Variants in CNTNAP3B observed in about 807,000 individuals in gnomAD.
CNTNAP3B encodes the protein contactin associated protein family member 3B, also known as contactin-associated protein-like 3B.
Under a neutral mutation model 108.9 loss-of-function variants are expected in CNTNAP3B, and 25 were observed. The observed-to-expected ratio is 0.23, with a 90% confidence interval of 0.17 to 0.32. The LOEUF (loss-of-function observed/expected upper bound fraction) is 0.32. Ranked by LOEUF, CNTNAP3B falls within the 10% of genes least tolerant of loss-of-function variation. The pLI, the probability that CNTNAP3B is intolerant of heterozygous loss-of-function variation, is 1.00. For missense variants in CNTNAP3B, 252 were observed against 1,210.4 expected, an observed-to-expected ratio of 0.21 and a Z score of 11.75; for synonymous variants, 103 against 473.4, an observed-to-expected ratio of 0.22 and a Z score of 10.16.
At position 42,079,669 on chromosome 9, in the gene CNTNAP3B, A is replaced by G. The variant is rs1313525730; in HGVS notation, c.197-2607T>C. ...CCCAAGTAGCCGGGATTACAGGTAC[A>G]TGCCACCACGCCCAGCTAATTTTTG... On this transcript the variant is annotated intron_variant, in intron 2 of 23. Transcript: ENST00000377561. 1.9e-4 allele frequency among the ~76,000 whole-genome samples: 26 copies of G among 136,516 alleles called. 5 individuals carry two copies. In the East Asian group the frequency reaches 2.9e-3, roughly 15 times the overall value. The allele number at this position is 136,516 out of a possible 152,430, so 89.6% of individuals were successfully genotyped here. A position where few individuals can be genotyped will look rare whatever the true frequency, so the allele number is the denominator to read the frequency against.
intron 14 of CNTNAP3B, among the ~76,000 whole-genome samples, chr9:41,932,497 C>CAAATTTTT (rs1554738712): frequency 6.7e-6 from 1 of 149,088 alleles, no homozygotes; most frequent in Non-Finnish European, 1.5e-5. Flanking sequence ...AATGTTGAGT[C>CAAATTTTT]AACTTTTTAA....
chr9:41,919,291 T>C (rs1038013075), intron 18 of CNTNAP3B, among the ~76,000 whole-genome samples: 2 of 148,744 alleles, frequency 1.3e-5, no homozygotes, highest in Non-Finnish European at 2.9e-5. Context: ...AATTTTTGTA[T>C]TTTTAGTAAA....
At chr9:41,925,614 C>A (rs1365860630) in intron 15 of CNTNAP3B, among the ~76,000 whole-genome samples, 1 of 151,636 alleles carries the variant, frequency 6.6e-6, no homozygotes, top group Non-Finnish European at 1.5e-5. Context: ...AACAAACAAA[C>A]CAAGAAATAG....
chr9:42,042,269 T>C (rs1393282336), intron 3 of CNTNAP3B, among the ~76,000 whole-genome samples: 1 of 108,688 alleles, frequency 9.2e-6, no homozygotes, highest in African/African-American at 3.6e-5. Flanking sequence ...ATGGTATATA[T>C]TTAAAATGAT....
intron 14 of CNTNAP3B, among the ~76,000 whole-genome samples, chr9:41,931,109 T>G (rs1287472183): frequency 2.0e-5 from 3 of 152,294 alleles, no homozygotes; most frequent in Non-Finnish European, 4.4e-5. Context: ...TATGCATTTG[T>G]GGCAAAAGAT....
chr9:41,935,428 T>C (rs1824127823), intron 14 of CNTNAP3B, among the ~76,000 whole-genome samples: 1 of 152,298 alleles, frequency 6.6e-6, no homozygotes, highest in African/African-American at 2.4e-5. Context: ...AGGAAAACTT[T>C]ACTAAGCACA....
chr9:42,018,799 C>T (rs1357354122), intron 3 of CNTNAP3B, among the ~76,000 whole-genome samples: 1 of 151,906 alleles, frequency 6.6e-6, no homozygotes, highest in African/African-American at 2.4e-5. Context: ...GGTTCTGTGA[C>T]TATGGGCAAG....
intron 9 of CNTNAP3B, among the ~76,000 whole-genome samples, chr9:41,977,786 ATTTTT>A (rs71288160): frequency 9.3e-4 from 84 of 90,338 alleles, no homozygotes; most frequent in African/African-American, 2.2e-3. Context: ...TGCCCAGCTA[ATTTTT>A]TTTTTTTTTT....
chr9:42,117,498 C>G (rs1488533729), intron 1 of CNTNAP3B, among the ~76,000 whole-genome samples: 3 of 141,278 alleles, frequency 2.1e-5, no homozygotes, highest in African/African-American at 8.3e-5. Flanking sequence ...ACACAACATA[C>G]CAGAATCTCT....
intron 13 of CNTNAP3B, among the ~76,000 whole-genome samples, chr9:41,950,747 CTTTTTTTTTTTTT>C (rs1196034038): frequency 0.011 from 1,048 of 91,882 alleles, 2 homozygotes; most frequent in East Asian, 0.061. Context: ...AGGAGGAATT[CTTTTTTTTTTTTT>C]TTTTTTTTTT....
At chr9:42,107,761 G>T (rs1188795163) in intron 1 of CNTNAP3B, among the ~76,000 whole-genome samples, 1 of 137,310 alleles carries the variant, frequency 7.3e-6, no homozygotes, top group African/African-American at 2.9e-5. Context: ...GGATCACAAG[G>T]TCAGGAGATC....
rs1223561595 is a variant in CNTNAP3B, at chr9:42,079,764, C to T, written c.197-2702G>A. Among the ~76,000 whole-genome samples the T allele has an allele frequency of 6.5e-5, 9 of 138,322 alleles. 2 individuals carry two copies. Among genetic ancestry groups the T allele is most frequent in the African/African-American group, 2.6e-4 (9 of 34,736 alleles). 90.7% of individuals were successfully genotyped at this position (138,322 alleles called of 152,430 possible). A position where few individuals can be genotyped will look rare whatever the true frequency, so the allele number is the denominator to read the frequency against. ...CTTGGTCTCCTGACCTAGTGATTTG[C>T]CCACCTCAGCCTCCCAAAGTGCTGG... On this transcript the variant is annotated intron_variant, in intron 2 of 23. Coordinates refer to ENST00000377561, the MANE Select transcript of CNTNAP3B (RefSeq NM_001201380.3).
rs1331501825 is a variant in CNTNAP3B, at chr9:42,107,966, C to T, written c.86-3227G>A. Among the ~76,000 whole-genome samples, 12 of 97,854 alleles carry T rather than the reference C, an allele frequency of 1.2e-4. 4 individuals are homozygous for T. Among genetic ancestry groups the T allele is most frequent in the African/African-American group, 4.9e-4 (12 of 24,314 alleles). The allele number at this position is 97,854 out of a possible 152,430, so 64.2% of individuals were successfully genotyped here. Reference sequence around the variant, plus strand: ...CTCTAGGCTGGGCGACAGAGAAAGACTCCGTCTTAAAAAAAAAAAAAAGAA... The same window carrying T: ...CTCTAGGCTGGGCGACAGAGAAAGATTCCGTCTTAAAAAAAAAAAAAAGAA... On this transcript the variant is annotated intron_variant, in intron 1 of 23. Coordinates refer to ENST00000377561, the MANE Select transcript of CNTNAP3B (RefSeq NM_001201380.3).
rs1272433540 is a variant in CNTNAP3B at position 41,945,211 on chromosome 9, T to C, written c.2081-6811A>G. Among the ~76,000 whole-genome samples the C allele has an allele frequency of 2.0e-5, 3 of 152,336 alleles. No individual in the cohort carries two copies. The East Asian group carries it at 5.8e-4, about 29-fold the overall frequency. On this transcript the variant is annotated intron_variant, in intron 13 of 23. Transcript: ENST00000377561. ...ACCATTGTGGAAGACAGTGTTGCGA[T>C]TCCTCATGGATCTAGAACTAGAAAT...
chr9:42,127,596 C>T lies in CNTNAP3B; in HGVS notation c.85+1414G>A, dbSNP rs574302753. The stretch of plus-strand genomic sequence containing the variant: ...CATTTATGTGTTTATTTAAGCCAAA[C>T]GGCAGTTTCCATTACAAGACCCAAG... On this transcript the variant is annotated intron_variant, in intron 1 of 23. Coordinates refer to ENST00000377561, the MANE Select transcript of CNTNAP3B (RefSeq NM_001201380.3). Among the ~76,000 whole-genome samples, 28 of 139,896 alleles carry T rather than the reference C, an allele frequency of 2.0e-4. 6 individuals are homozygous for T. The highest frequency in any genetic ancestry group is 5.4e-4 in the African/African-American group (19 of 35,400). 91.8% of individuals were successfully genotyped at this position (139,896 alleles called of 152,430 possible). A position where few individuals can be genotyped will look rare whatever the true frequency, so the allele number is the denominator to read the frequency against.
At chr9:42,112,363 C>T (rs1178529019) in intron 1 of CNTNAP3B, among the ~76,000 whole-genome samples, 1 of 139,420 alleles carries the variant, frequency 7.2e-6, no homozygotes, top group Non-Finnish European at 1.5e-5. Context: ...AGCAGCACCT[C>T]ACTCACAGGG....
chr9:41,942,354 T>G (rs1824377780), intron 13 of CNTNAP3B, among the ~76,000 whole-genome samples: 1 of 152,288 alleles, frequency 6.6e-6, no homozygotes, highest in Non-Finnish European at 1.5e-5. Flanking sequence ...CTCAAGCCTG[T>G]AATCCCAGCA....
Position 42,116,785 on chromosome 9 carries a change from C to T in CNTNAP3B, c.86-12046G>A, listed in dbSNP as rs1311098965. 2.9e-5 allele frequency among the ~76,000 whole-genome samples: 4 copies of T among 138,564 alleles called. 1 individual carries two copies. The highest frequency in any genetic ancestry group is 2.2e-4 in the East Asian group (1 of 4,598). 90.9% of individuals were successfully genotyped at this position (138,564 alleles called of 152,430 possible). ...TGCTGTATTCAGCAGACCCTGCTCA[C>T]GTGCAGAGACACACATAGGCTCAAA... is the stretch of plus-strand genomic sequence containing the variant. On this transcript the variant is annotated intron_variant, in intron 1 of 23. Transcript: ENST00000377561.
chr9:41,936,835 T>A lies in CNTNAP3B; in HGVS notation c.2237+1409A>T, dbSNP rs1239928957. Among the ~76,000 whole-genome samples, 7 of 152,390 alleles carry A rather than the reference T, an allele frequency of 4.6e-5. No individual in the cohort carries two copies. The East Asian group carries it at 7.7e-4, about 17-fold the overall frequency. ...GTCTCATAAATCTGTATGATCATTT[T>A]GTAATTTTGAACTTGAGGAAGATTA... On this transcript the variant is annotated intron_variant, in intron 14 of 23. Coordinates refer to ENST00000377561, the MANE Select transcript of CNTNAP3B (RefSeq NM_001201380.3).
Sources: allele counts gnomAD v4.1 joint callset (sites outside exome capture counted in the v4.1 genomes callset), GRCh38; gene constraint gnomAD v4.1.1; transcripts MANE v1.5; gene names NCBI Gene and HGNC (gene_info 2026-07-23, HGNC 2026-07-21).